The following FOXM1 variants were observed in gnomAD, a reference collection of about 807,000 sequenced individuals.
FOXM1 encodes the protein forkhead box M1.
Under a neutral mutation model 63.6 loss-of-function variants are expected in FOXM1, and 25 were observed. That is an observed-to-expected ratio of 0.39 (90% CI 0.29 to 0.55). FOXM1 has a LOEUF of 0.55. Ranked by LOEUF, FOXM1 falls within the 20% of genes least tolerant of loss-of-function variation. FOXM1 has a pLI of 0.60. For synonymous variants in FOXM1, 387 were observed against 376.9 expected (o/e 1.03, Z -0.31); for missense variants, 879 against 958.7 (o/e 0.92, Z 1.10).
At position 2,874,462 on chromosome 12, in the gene FOXM1, CGGG is replaced by C. The variant is rs2098138626; in HGVS notation, c.14_16del (p.Pro5del). 1 of 1,609,488 alleles carries C rather than the reference CGGG, an allele frequency of 6.2e-7. No individual in the cohort carries two copies. Among genetic ancestry groups the C allele is most frequent in the Non-Finnish European group, 8.5e-7 (1 of 1,177,950 alleles). ...CCGTCTTTTGAGAATCAGTGGCCGA[CGGG>C]GGCTAGTTTTCATTATGAATCTGCG... On this transcript the variant is annotated inframe_deletion, in exon 2 of 9. Coordinates refer to ENST00000359843, the MANE Select transcript of FOXM1 (RefSeq NM_021953.4). This position sits in a 1 kb window ranked among gnomAD's most constrained non-coding sequence, Gnocchi z 4.3.
Position 2,864,407 on chromosome 12 carries a change from G to C in FOXM1, c.1179C>G (p.Pro393=), listed in dbSNP as rs2098119382. 2.5e-6 allele frequency: 4 copies of C among 1,614,162 alleles called. No homozygotes were observed. Among genetic ancestry groups the C allele is most frequent in the Non-Finnish European group, 3.4e-6 (4 of 1,180,018 alleles). ...CCAGGGGCAATGGCACCTTCACCGA[G>C]GGCTGCAACACCAGTGACTGGTTCA... The part of the protein sequence containing the change: ...FPVNQSLVLQ[P]SVKVPLPLAA... The change falls in exon 8 of 9, where the codon CCC becomes CCG. Residue 393 remains proline (P), a synonymous_variant. Transcript: ENST00000359843. This position sits in a 1 kb window ranked among gnomAD's most constrained non-coding sequence, Gnocchi z 5.1.
intron 5 of FOXM1, among the ~76,000 whole-genome samples, chr12:2,866,050 C>G (rs1436059602): frequency 6.6e-6 from 1 of 152,152 alleles, no homozygotes; most frequent in Non-Finnish European, 1.5e-5. Flanking sequence ...ATCCCAGAAG[C>G]ACTAAATCAA....
intron 8 of FOXM1, among the ~76,000 whole-genome samples, chr12:2,862,657 A>G (rs1196770077): frequency 1.3e-5 from 2 of 152,136 alleles, no homozygotes; most frequent in Admixed American, 1.3e-4. Context: ...CAGCCTCCCA[A>G]GTGGCTGGGA....
At chr12:2,865,881 G>A (rs1445517313) in intron 5 of FOXM1, among the ~76,000 whole-genome samples, 3 of 151,996 alleles carry the variant, frequency 2.0e-5, no homozygotes, top group African/African-American at 4.8e-5. Context: ...TCCAACTCCC[G>A]ACCTTAGGTG....
Position 2,859,029 on chromosome 12 carries a change from C to G in FOXM1, c.1901G>C (p.Gly634Ala), listed in dbSNP as rs1264546189. ...WRLTPPAKVGGLDFSPVQTSQ... is the reference protein window; with the variant it reads ...WRLTPPAKVGALDFSPVQTSQ... ...GGTTTGTACTGGGCTGAAATCCAGT[C>G]CCCCTACTTTGGCTGGGGGCGTGAG... Residue 634 changes from glycine (G) to alanine (A), a missense_variant, in exon 9 of 9, where the codon GGA (glycine) becomes GCA (alanine). By Grantham distance (60) the Gly-to-Ala change is moderately conservative. Transcript: ENST00000359843. The G allele has an allele frequency of 1.2e-6, 2 of 1,610,640 alleles. No homozygotes were observed. The highest frequency in any genetic ancestry group is 1.7e-6 in the Non-Finnish European group (2 of 1,178,252).
rs2098133986 is a variant in FOXM1 at position 2,872,001 on chromosome 12, GA to G, written c.654+94del. ...AGTGGAGAGCTAATACCAGAACTTG[GA>G]AATTCTGGTCCATCAGGCCACTTGA... On this transcript the variant is annotated intron_variant, in intron 3 of 8. Transcript: ENST00000359843. The surrounding 1 kb of genome is among the most constrained non-coding windows in gnomAD (Gnocchi z 4.0). 8 of 1,313,874 alleles carry G rather than the reference GA, an allele frequency of 6.1e-6. No individual in the cohort carries two copies. In the South Asian group the frequency reaches 9.5e-5, roughly 16 times the overall value. The allele number at this position is 1,313,874 out of a possible 1,614,324, so 81.4% of individuals were successfully genotyped here. A position where few individuals can be genotyped will look rare whatever the true frequency, so the allele number is the denominator to read the frequency against.
intron 6 of FOXM1, 124 bp downstream of exon 6, chr12:2,865,231 C>G: frequency 1.1e-6 from 1 of 872,354 alleles, no homozygotes; most frequent in Non-Finnish European, 1.8e-6. Context: ...AGGGCTGGCA[C>G]CTAGACAAAA....
In FOXM1 at chr12:2,859,463, G is replaced by A. The variant is rs537910596; in HGVS notation, c.1467C>T (p.Ser489=). 1 of 1,613,946 alleles carries A rather than the reference G, an allele frequency of 6.2e-7. No individual in the cohort carries two copies. Among genetic ancestry groups the A allele is most frequent in the Non-Finnish European group, 8.5e-7 (1 of 1,180,014 alleles). The change falls in exon 9 of 9, where the codon TCC becomes TCT. Residue 489 remains serine, a synonymous_variant. Coordinates refer to ENST00000359843, the MANE Select transcript of FOXM1 (RefSeq NM_021953.4). ...ATTCCTCTTTGAAAGATGGGGCCGGGGAGGGCCACTCTTCCAAGGGAGGGC... is the reference window on the plus strand; with the variant it reads ...ATTCCTCTTTGAAAGATGGGGCCGGAGAGGGCCACTCTTCCAAGGGAGGGC... ...VESPPLEEWP[S]PAPSFKEESS...
Position 2,864,128 on chromosome 12 carries a change from A to C in FOXM1, c.1266+192T>G, listed in dbSNP as rs2098118861. 1 of 576,628 alleles carries C rather than the reference A, an allele frequency of 1.7e-6. No homozygotes were observed. Among genetic ancestry groups the C allele is most frequent in the Non-Finnish European group, 3.1e-6 (1 of 326,106 alleles). The allele number at this position is 576,628 out of a possible 1,614,324, so 35.7% of individuals were successfully genotyped here. A position where few individuals can be genotyped will look rare whatever the true frequency, so the allele number is the denominator to read the frequency against. On this transcript the variant is annotated intron_variant, in intron 8 of 8. Transcript: ENST00000359843. The surrounding 1 kb of genome is among the most constrained non-coding windows in gnomAD (Gnocchi z 5.1). The stretch of plus-strand genomic sequence containing the variant: ...ATCAGGTATTTATGGGCCTTCTGAC[A>C]CCACTTACATTGTAATCCAAATACC...
In FOXM1 at chr12:2,865,031, A is replaced by G; in HGVS notation, c.1021-279T>C. 1.2e-5 allele frequency: 7 copies of G among 581,030 alleles called. No individual in the cohort carries two copies. In the South Asian group the frequency reaches 1.4e-4, roughly 12 times the overall value. 36.0% of individuals were successfully genotyped at this position (581,030 alleles called of 1,614,324 possible). ...GGGGGATGCCAGAGCAGGTAGCTAT[A>G]TGCGTGGCAAAGAAAAGCTAGGCAC... On this transcript the variant is annotated intron_variant, in intron 6 of 8. Transcript: ENST00000359843.
intron 1 of FOXM1, among the ~76,000 whole-genome samples, chr12:2,876,708 G>T (rs922465230): frequency 2.6e-5 from 4 of 152,184 alleles, no homozygotes; most frequent in Non-Finnish European, 2.9e-5. Flanking sequence ...TTCCAGGGAA[G>T]GCCAAGGGGC....
intron 6 of FOXM1, 93 bp downstream of exon 6, chr12:2,865,262 C>T: frequency 8.4e-7 from 1 of 1,186,706 alleles, no homozygotes; most frequent in Non-Finnish European, 1.2e-6. Context: ...GGGACCCTTC[C>T]CCACATCACA....
At chr12:2,861,167 CAAAA>C (rs1216502555) in intron 8 of FOXM1, 232 of 389,648 alleles carry the variant, frequency 6.0e-4, no homozygotes, top group South Asian at 8.8e-4. Context: ...GACTCCGTCT[CAAAA>C]AAAAAAAAAA....
chr12:2,873,445 G>A (rs565581985), intron 2 of FOXM1, among the ~76,000 whole-genome samples: 37 of 151,074 alleles, frequency 2.4e-4, no homozygotes, highest in Admixed American at 2.0e-3. Flanking sequence ...AGGCGCTGTC[G>A]TTCATGCCTA....
rs760399764 is a variant in FOXM1 at position 2,874,141 on chromosome 12, C to T, written c.338G>A (p.Gly113Glu). The T allele has an allele frequency of 7.4e-6, 12 of 1,614,120 alleles. No individual in the cohort carries two copies. The highest frequency in any genetic ancestry group is 2.2e-5 in the East Asian group (1 of 44,882). ...GAGTCCTGGAGGCTGAGTTGGGGCT[C>T]CCCCACAGCTGATGAGGATGAATTT... ...PNKFILISCG[G>E]APTQPPGLRP... The change falls in exon 2 of 9, where the codon GGA (glycine) becomes GAA (glutamate). Residue 113 changes from glycine to glutamate, a missense_variant. Gly to Glu is a moderately conservative substitution (Grantham distance 98). Transcript: ENST00000359843. This position sits in a 1 kb window ranked among gnomAD's most constrained non-coding sequence, Gnocchi z 4.3.
intron 5 of FOXM1, among the ~76,000 whole-genome samples, chr12:2,865,800 G>A (rs1446755595): frequency 2.6e-5 from 4 of 151,962 alleles, no homozygotes; most frequent in African/African-American, 9.7e-5. Context: ...TTACAGGCAT[G>A]CGCCACCACA....
In FOXM1 at chr12:2,874,045, G is replaced by T. The variant is rs1174742727; in HGVS notation, c.434C>A (p.Pro145His). The T allele has an allele frequency of 6.2e-7, 1 of 1,614,144 alleles. No individual in the cohort carries two copies. Among genetic ancestry groups the T allele is most frequent in the Non-Finnish European group, 8.5e-7 (1 of 1,180,038 alleles). ...EVTLETLGPK[P>H]AARDVNLPRP... ...AGGAAGATTCACATCCCTAGCTGCAGGTTTTGGTCCCAAGGTCTCCAGGGT... is the reference window on the plus strand; with the variant it reads ...AGGAAGATTCACATCCCTAGCTGCATGTTTTGGTCCCAAGGTCTCCAGGGT... The change falls in exon 2 of 9, where the codon CCT (proline) becomes CAT (histidine). Residue 145 changes from proline (P) to histidine (H), a missense_variant. Pro to His is a moderately conservative substitution (Grantham distance 77). This residue lies in a region of FOXM1 where 255 missense variants were observed against 292.4 expected (regional missense o/e 0.87). Coordinates refer to ENST00000359843, the MANE Select transcript of FOXM1 (RefSeq NM_021953.4). The surrounding 1 kb of genome is among the most constrained non-coding windows in gnomAD (Gnocchi z 4.3).
At chr12:2,871,711 A>G (rs1277865914) in intron 3 of FOXM1, among the ~76,000 whole-genome samples, 2 of 152,208 alleles carry the variant, frequency 1.3e-5, no homozygotes, top group East Asian at 1.9e-4. Context: ...TATTAATATT[A>G]TATCTTCTAA....
At position 2,865,346 on chromosome 12, in the gene FOXM1, G is replaced by A. The variant is rs1390313012; in HGVS notation, c.1020+9C>T. The stretch of plus-strand genomic sequence containing the variant: ...GGCCAAGCCCCGAGCCAGAGGGAAA[G>A]AACCTTACTGATTCCAAGTGCTCGG... On this transcript the variant is annotated intron_variant, in intron 6 of 8. Transcript: ENST00000359843. The A allele has an allele frequency of 1.2e-6, 2 of 1,609,590 alleles. No individual in the cohort carries two copies. The highest frequency in any genetic ancestry group is 3.4e-5 in the Admixed American group (2 of 59,448).
Sources: gnomAD v4.1 joint callset for allele counts (sites outside exome capture counted in the v4.1 genomes callset) on GRCh38, gnomAD v4.1.1 for gene constraint, gnomAD v4.1.1 regional missense constraint, Gnocchi (gnomAD v3.1) non-coding constraint, MANE v1.5 for transcripts, NCBI Gene and HGNC (gene_info 2026-07-23, HGNC 2026-07-21) for gene names.